SI: variants seen among roughly 807,000 people sequenced by gnomAD.
SI encodes the protein sucrase-isomaltase, intestinal.
In SI, 235 loss-of-function variants were observed where a neutral mutation model predicts 253.3. The observed-to-expected ratio is 0.93, with a 90% confidence interval of 0.83 to 1.03. SI has a LOEUF of 1.03. SI is among the 50% of genes least tolerant of loss of function. The pLI is 0.00. For missense variants in SI, 2,442 were observed against 2,211.1 expected, an observed-to-expected ratio of 1.10 and a Z score of -2.09; for synonymous variants, 819 against 712.0, an observed-to-expected ratio of 1.15 and a Z score of -2.39.
At chr3:164,989,206 C>T (rs530585960) in intron 44 of SI, among the ~76,000 whole-genome samples, 109 of 150,622 alleles carry the variant, frequency 7.2e-4, no homozygotes, top group African/African-American at 1.7e-3. Context: ...ATTAGCTAGG[C>T]GTCTGGCAGG....
chr3:164,981,858 G>A (rs1473875947), intron 47 of SI, among the ~76,000 whole-genome samples: 1 of 152,056 alleles, frequency 6.6e-6, no homozygotes, highest in Non-Finnish European at 1.5e-5. Context: ...GTATTAATGG[G>A]TGCTGACAGT....
chr3:165,089,729 C>T, the SI span, among the ~76,000 whole-genome samples: 2 of 152,070 alleles, frequency 1.3e-5, no homozygotes, highest in African/African-American at 4.8e-5. Context: ...TCAAATGAAC[C>T]TGGATTGGAC....
intron 13 of SI, 77 bp downstream of exon 13, chr3:165,055,117 T>G (rs944712632): frequency 9.2e-6 from 8 of 870,344 alleles, no homozygotes; most frequent in Admixed American, 1.9e-5. Context: ...AAAAATATTT[T>G]GTTGACTTAG....
At chr3:165,047,194 T>C (rs906464338) in intron 15 of SI, among the ~76,000 whole-genome samples, 182 bp from the exon 16 acceptor site, 4 of 152,024 alleles carry the variant, frequency 2.6e-5, no homozygotes, top group Non-Finnish European at 4.4e-5. Flanking sequence ...CGATGGGAGA[T>C]GATTGAATTA....
chr3:165,037,113 A>G (rs1278578135), intron 21 of SI, among the ~76,000 whole-genome samples: 1 of 151,908 alleles, frequency 6.6e-6, no homozygotes, highest in Non-Finnish European at 1.5e-5. Flanking sequence ...ATACTCTTGT[A>G]TCAGTTACAT....
chr3:165,062,328 A>G (rs754397205), intron 9 of SI, 43 bp downstream of exon 9: 2 of 954,110 alleles, frequency 2.1e-6, no homozygotes, highest in African/African-American at 1.6e-5. Flanking sequence ...AGATGAAATA[A>G]AAGTATGCAG....
rs1317993044 is a variant in SI, at chr3:165,033,078, T to C, written c.2565+317A>G. ...CCACACCAATTATTACTGTGACTAA[T>C]TCATTAAAACATTTTCAGATATGTT... On this transcript the variant is annotated intron_variant, in intron 23 of 47. Transcript: ENST00000264382. Among the ~76,000 whole-genome samples the C allele has an allele frequency of 4.0e-5, 6 of 151,674 alleles. No homozygotes were observed. The East Asian group carries it at 5.8e-4, about 15-fold the overall frequency.
chr3:165,047,060 AG>A, intron 15 of SI, 48 bp from the exon 16 acceptor site: 1 of 1,416,734 alleles, frequency 7.1e-7, no homozygotes, highest in Non-Finnish European at 9.7e-7. Flanking sequence ...TAAAAAATAA[AG>A]TTGGTATTTA....
chr3:165,063,509 G>T lies in SI; in HGVS notation c.840C>A (p.Phe280Leu). The T allele has an allele frequency of 6.5e-7, 1 of 1,547,316 alleles. No homozygotes were observed. Among genetic ancestry groups the T allele is most frequent in the Non-Finnish European group, 8.9e-7 (1 of 1,129,296 alleles). ...CAGATGTATCTTCAATACACATAAA[G>T]AATGTTTGATGGCCGTATAAATTAT... The part of the protein sequence containing the change: ...NNNNLYGHQT[F>L]FMCIEDTSGK... The change falls in exon 8 of 48, where the codon TTC becomes TTA. Residue 280 changes from phenylalanine (F) to leucine (L), a missense_variant. Transcript: ENST00000264382.
At chr3:165,013,709 T>C (rs956389230) in intron 33 of SI, among the ~76,000 whole-genome samples, 1 of 152,068 alleles carries the variant, frequency 6.6e-6, no homozygotes, top group Non-Finnish European at 1.5e-5. Context: ...AAAAAGGAAT[T>C]ATTTACAAGG....
chr3:164,989,426 A>G lies in SI; in HGVS notation c.5108+1927T>C, dbSNP rs141323504. Reference sequence around the variant, plus strand: ...AAAGAAAGAAAGAAAGAAAGAAAGAAAGAAAGAAAGGAAAGAAAGAAGAGA... The same window carrying G: ...AAAGAAAGAAAGAAAGAAAGAAAGAGAGAAAGAAAGGAAAGAAAGAAGAGA... On this transcript the variant is annotated intron_variant, in intron 44 of 47. Coordinates refer to ENST00000264382, the MANE Select transcript of SI (RefSeq NM_001041.4). 7.1e-3 allele frequency among the ~76,000 whole-genome samples: 1,052 copies of G among 148,558 alleles called. 5 individuals carry two copies. Among genetic ancestry groups the G allele is most frequent in the Non-Finnish European group, 0.01 (678 of 66,736 alleles).
intron 43 of SI, 57 bp from the exon 44 acceptor site, chr3:164,991,534 C>T: frequency 6.4e-7 from 1 of 1,571,562 alleles, no homozygotes. Flanking sequence ...TCATCAGCAA[C>T]ACTGGTAGTT....
intron 47 of SI, among the ~76,000 whole-genome samples, chr3:164,980,311 T>C (rs997283900): frequency 1.3e-5 from 2 of 151,814 alleles, no homozygotes; most frequent in African/African-American, 4.8e-5. Context: ...ATCCATCTTG[T>C]AACAAAACTT....
chr3:165,014,116 C>T (rs1718907748), intron 33 of SI, among the ~76,000 whole-genome samples: 1 of 152,184 alleles, frequency 6.6e-6, no homozygotes, highest in Non-Finnish European at 1.5e-5. Context: ...AATGTTGATA[C>T]AGTACAATCA....
chr3:165,045,307 G>T (rs1316596436), intron 16 of SI, among the ~76,000 whole-genome samples: 7 of 151,898 alleles, frequency 4.6e-5, no homozygotes, highest in Non-Finnish European at 2.9e-5. Flanking sequence ...TCTTATTATT[G>T]AACAGGGTAT....
At position 165,019,594 on chromosome 3, in the gene SI, G is replaced by T; in HGVS notation, c.3423+8C>A. ...TGCCTCGTGGAGTGGTCATATGTTGGTACCTACACCAGGGGGTTGGTCTCT... is the reference window on the plus strand; with the variant it reads ...TGCCTCGTGGAGTGGTCATATGTTGTTACCTACACCAGGGGGTTGGTCTCT... On this transcript the variant is annotated splice_region_variant and intron_variant, in intron 28 of 47. Transcript: ENST00000264382. The T allele has an allele frequency of 6.2e-7, 1 of 1,611,598 alleles. No homozygotes were observed. Among genetic ancestry groups the T allele is most frequent in the Non-Finnish European group, 8.5e-7 (1 of 1,178,322 alleles).
At position 164,992,234 on chromosome 3, in the gene SI, C is replaced by T. The variant is rs779508795; in HGVS notation, c.4927-1G>A. On this transcript the variant is annotated splice_acceptor_variant, in intron 42 of 47. Coordinates refer to ENST00000264382, the MANE Select transcript of SI (RefSeq NM_001041.4). LOFTEE classifies it high-confidence loss of function. Reference sequence around the variant, plus strand: ...CGTAGGCATTTACAGTTTGAACATACTGGAATGTAAATAAATAGCCATTAG... The same window carrying T: ...CGTAGGCATTTACAGTTTGAACATATTGGAATGTAAATAAATAGCCATTAG... 1.4e-5 allele frequency: 23 copies of T among 1,612,710 alleles called. No individual in the cohort carries two copies. The highest frequency in any genetic ancestry group is 1.9e-5 in the Non-Finnish European group (22 of 1,179,250).
chr3:165,070,109 T>C (rs983498366), intron 3 of SI, among the ~76,000 whole-genome samples: 1 of 146,814 alleles, frequency 6.8e-6, no homozygotes, highest in African/African-American at 2.5e-5. Context: ...ATATATTTTA[T>C]ATAATATTTA....
At chr3:165,036,971 T>G (rs1475078772) in intron 21 of SI, among the ~76,000 whole-genome samples, 2 of 145,112 alleles carry the variant, frequency 1.4e-5, no homozygotes, top group Admixed American at 6.9e-5. Context: ...AGAAATATGG[T>G]TTTTTTTTTT....
Sources: allele counts gnomAD v4.1 joint callset (sites outside exome capture counted in the v4.1 genomes callset), GRCh38; gene constraint gnomAD v4.1.1; transcripts MANE v1.5; gene names NCBI Gene and HGNC (gene_info 2026-07-23, HGNC 2026-07-21).